SYN3: variants seen among roughly 807,000 people sequenced by gnomAD.
SYN3 encodes the protein synapsin-3.
SYN3 carries 35 observed loss-of-function variants against 65.8 expected under a neutral mutation model. The ratio of observed to expected loss-of-function variants is 0.53; its 90% confidence interval spans 0.41 to 0.70. SYN3 has a LOEUF of 0.70. SYN3 is among the 30% of genes least tolerant of loss of function. SYN3 has a pLI of 0.00. For missense variants in SYN3, 680 were observed against 749.0 expected (o/e 0.91, Z 1.08); for synonymous variants, 270 against 292.9 (o/e 0.92, Z 0.80).
chr22:32,745,210 C>A (rs1013557152), intron 6 of SYN3, among the ~76,000 whole-genome samples: 6 of 152,180 alleles, frequency 3.9e-5, no homozygotes, highest in Admixed American at 3.3e-4. Flanking sequence ...AGCTTCCCAT[C>A]CAGAGCAGAT....
chr22:32,571,960 T>C (rs1437293377), intron 7 of SYN3, among the ~76,000 whole-genome samples: 1 of 152,044 alleles, frequency 6.6e-6, no homozygotes, highest in African/African-American at 2.4e-5. Flanking sequence ...GTTTCTGCCC[T>C]TAAGGTCTAG....
chr22:32,746,861 A>G (rs748201595), intron 6 of SYN3, among the ~76,000 whole-genome samples: 5 of 152,112 alleles, frequency 3.3e-5, no homozygotes, highest in African/African-American at 4.8e-5. Flanking sequence ...TAAGCCAGAC[A>G]TTTTCAAGGA....
intron 6 of SYN3, among the ~76,000 whole-genome samples, chr22:32,841,551 C>G (rs763058771): frequency 3.3e-5 from 5 of 152,040 alleles, no homozygotes; most frequent in Admixed American, 2.6e-4. Context: ...TTATCTGGAG[C>G]TCAGTGTTGG....
intron 4 of SYN3, among the ~76,000 whole-genome samples, chr22:32,870,482 C>T (rs557762785): frequency 2.0e-5 from 3 of 152,096 alleles, no homozygotes; most frequent in Non-Finnish European, 4.4e-5. Flanking sequence ...ATCATATAAG[C>T]TATTTCCAAT....
chr22:32,627,143 G>C lies in SYN3; in HGVS notation c.712-30407C>G, dbSNP rs1056481519. Among the ~76,000 whole-genome samples the C allele has an allele frequency of 5.9e-5, 9 of 151,308 alleles. No homozygotes were observed. In the East Asian group the frequency reaches 9.8e-4, roughly 16 times the overall value. On this transcript the variant is annotated intron_variant, in intron 6 of 13. Coordinates refer to ENST00000358763, the MANE Select transcript of SYN3 (RefSeq NM_003490.4). Reference sequence around the variant, plus strand: ...CGGGGTCGTTGTGTAAGTGGGGGGTGGCAGTGCGGCGGGCGGGTAACTTCC... The same window carrying C: ...CGGGGTCGTTGTGTAAGTGGGGGGTCGCAGTGCGGCGGGCGGGTAACTTCC...
chr22:32,553,617 G>A (rs1291107138), intron 7 of SYN3, among the ~76,000 whole-genome samples: 1 of 133,146 alleles, frequency 7.5e-6, no homozygotes, highest in African/African-American at 2.9e-5. Flanking sequence ...ACTCACCCAT[G>A]TATTATATAA....
At position 32,907,575 on chromosome 22, in the gene SYN3, G is replaced by C. The variant is rs142146155; in HGVS notation, c.461+23815C>G. Among the ~76,000 whole-genome samples, 949 of 152,188 alleles carry C rather than the reference G, an allele frequency of 6.2e-3. 9 individuals carry two copies. The highest frequency in any genetic ancestry group is 0.021 in the African/African-American group (891 of 41,512). The stretch of plus-strand genomic sequence containing the variant: ...GAACTGAATCTAAGGTGGGAGTAGG[G>C]AGCCAAAAAATTCACTAATCAAGGG... On this transcript the variant is annotated intron_variant, in intron 4 of 13. Coordinates refer to ENST00000358763, the MANE Select transcript of SYN3 (RefSeq NM_003490.4).
At chr22:32,897,217 T>C (rs1239743212) in intron 4 of SYN3, among the ~76,000 whole-genome samples, 1 of 152,024 alleles carries the variant, frequency 6.6e-6, no homozygotes, top group African/African-American at 2.4e-5. Flanking sequence ...AAGATAAGAG[T>C]GCCGGCAGAC....
chr22:32,647,764 A>G (rs2060004897), intron 6 of SYN3, among the ~76,000 whole-genome samples: 1 of 152,104 alleles, frequency 6.6e-6, no homozygotes, highest in African/African-American at 2.4e-5. Context: ...GCGCGCCACC[A>G]TATCTGGCTA....
chr22:32,906,698 C>T (rs912857710), intron 4 of SYN3, among the ~76,000 whole-genome samples: 2 of 152,064 alleles, frequency 1.3e-5, no homozygotes, highest in Non-Finnish European at 2.9e-5. Flanking sequence ...TGATGTTCCC[C>T]TCCCTGTGTC....
intron 4 of SYN3, among the ~76,000 whole-genome samples, chr22:32,924,939 A>G (rs545428890): frequency 2.6e-5 from 4 of 152,176 alleles, no homozygotes; most frequent in African/African-American, 9.6e-5. Context: ...CAAAAATTTA[A>G]AACTTAGGCA....
intron 4 of SYN3, among the ~76,000 whole-genome samples, chr22:32,884,736 G>A (rs2049243136): frequency 6.6e-6 from 1 of 152,118 alleles, no homozygotes; most frequent in Admixed American, 6.6e-5. Flanking sequence ...AATTAGCTGG[G>A]TGTGGTGGCA....
chr22:32,533,235 C>G (rs1443291678), intron 10 of SYN3, among the ~76,000 whole-genome samples: 1 of 151,980 alleles, frequency 6.6e-6, no homozygotes, highest in Non-Finnish European at 1.5e-5. Flanking sequence ...TCTATTCATG[C>G]CCCTGTACCA....
intron 1 of SYN3, among the ~76,000 whole-genome samples, chr22:33,022,773 C>T (rs901758214): frequency 6.6e-6 from 1 of 152,100 alleles, no homozygotes; most frequent in South Asian, 2.1e-4. Flanking sequence ...ACCACTCCCA[C>T]AAACTGAAAT....
At chr22:32,521,288 C>T (rs994702843) in intron 12 of SYN3, among the ~76,000 whole-genome samples, 3 of 152,202 alleles carry the variant, frequency 2.0e-5, no homozygotes, top group South Asian at 4.1e-4. Context: ...TGGAGGCAAA[C>T]GCAGGAGCCC....
intron 6 of SYN3, among the ~76,000 whole-genome samples, chr22:32,831,854 C>T (rs542949529): frequency 2.0e-5 from 3 of 152,126 alleles, no homozygotes; most frequent in South Asian, 2.1e-4. Flanking sequence ...TGCACCCCCC[C>T]CAACCTCCAC....
chr22:32,628,186 C>T (rs1369353116), intron 6 of SYN3, among the ~76,000 whole-genome samples: 1 of 152,106 alleles, frequency 6.6e-6, no homozygotes, highest in Non-Finnish European at 1.5e-5. Flanking sequence ...CTCTCGGCTA[C>T]CAGAAGAGTG....
chr22:32,928,353 T>C (rs1413541081), intron 4 of SYN3, among the ~76,000 whole-genome samples: 1 of 151,244 alleles, frequency 6.6e-6, no homozygotes, highest in Non-Finnish European at 1.5e-5. Context: ...AAAAAGAAAA[T>C]GCATTTATTA....
chr22:32,904,871 A>C (rs2049859525), intron 4 of SYN3, among the ~76,000 whole-genome samples: 1 of 152,184 alleles, frequency 6.6e-6, no homozygotes. Flanking sequence ...CAGTGTTGTA[A>C]GGCATTCTTT....
Sources: allele counts gnomAD v4.1 joint callset (sites outside exome capture counted in the v4.1 genomes callset), GRCh38; gene constraint gnomAD v4.1.1; transcripts MANE v1.5; gene names NCBI Gene and HGNC (gene_info 2026-07-23, HGNC 2026-07-21).